Variants in PARD3B observed in about 807,000 individuals in gnomAD.
PARD3B encodes the protein partitioning defective 3 homolog B.
Under a neutral mutation model 130.2 loss-of-function variants are expected in PARD3B, and 103 were observed. The ratio of observed to expected loss-of-function variants is 0.79; its 90% CI spans 0.67 to 0.93. The LOEUF is 0.93. Ranked by LOEUF, PARD3B falls within the 40% of genes least tolerant of loss-of-function variation. The probability of loss-of-function intolerance (pLI) is 0.00; values close to 1 mark genes in which losing one functional copy is unlikely to be tolerated. For missense variants in PARD3B, 1,609 were observed against 1,499.2 expected, an observed-to-expected ratio of 1.07 and a Z score of -1.21; for synonymous variants, 583 against 553.2, an observed-to-expected ratio of 1.05 and a Z score of -0.76.
chr2:204,851,074 G>A (rs966566282), intron 2 of PARD3B, among the ~76,000 whole-genome samples: 4 of 152,142 alleles, frequency 2.6e-5, no homozygotes, highest in Non-Finnish European at 4.4e-5. Flanking sequence ...CTTGAATAAT[G>A]TAAGTATTCC....
intron 21 of PARD3B, among the ~76,000 whole-genome samples, chr2:205,548,575 A>G (rs1406906358): frequency 3.3e-5 from 5 of 151,930 alleles, no homozygotes; most frequent in Admixed American, 3.3e-4. Context: ...TCCTTTGAAA[A>G]ACCCTCAGGT....
intron 2 of PARD3B, among the ~76,000 whole-genome samples, chr2:204,687,044 C>T (rs1487372462): frequency 6.6e-6 from 1 of 152,064 alleles, no homozygotes; most frequent in Admixed American, 6.6e-5. Context: ...TATTATACAT[C>T]TTTAGTGCTG....
chr2:205,330,340 C>T (rs1050757375), intron 18 of PARD3B, among the ~76,000 whole-genome samples: 1 of 149,498 alleles, frequency 6.7e-6, no homozygotes, highest in East Asian at 2.0e-4. Context: ...GACTCCACCC[C>T]AAAAAAAAAA....
chr2:204,636,457 T>C (rs1426435183), intron 1 of PARD3B, among the ~76,000 whole-genome samples: 3 of 140,302 alleles, frequency 2.1e-5, no homozygotes, highest in Non-Finnish European at 4.7e-5. Context: ...CAGGTGAGTG[T>C]GTGTGTGTGT....
At chr2:205,509,751 G>T (rs73985037) in intron 21 of PARD3B, among the ~76,000 whole-genome samples, 1 of 152,212 alleles carries the variant, frequency 6.6e-6, no homozygotes, top group Non-Finnish European at 1.5e-5. Context: ...CACGTATGGA[G>T]CCCAAGCTTA....
At chr2:205,549,833 C>T (rs2052539268) in intron 21 of PARD3B, among the ~76,000 whole-genome samples, 1 of 152,126 alleles carries the variant, frequency 6.6e-6, no homozygotes, top group Non-Finnish European at 1.5e-5. Context: ...ACAGTTGTAG[C>T]ACACTGGTGG....
intron 1 of PARD3B, among the ~76,000 whole-genome samples, chr2:204,648,216 T>A (rs1391285628): frequency 6.6e-6 from 1 of 151,624 alleles, no homozygotes; most frequent in African/African-American, 2.4e-5. Flanking sequence ...CATGAGAATT[T>A]AATCTCATTT....
intron 1 of PARD3B, among the ~76,000 whole-genome samples, chr2:204,680,657 C>A (rs956103396): frequency 6.6e-6 from 1 of 151,892 alleles, no homozygotes; most frequent in Non-Finnish European, 1.5e-5. Flanking sequence ...CCATAACTGA[C>A]ACATTTGGCA....
At chr2:204,586,072 G>C (rs1268462241) in intron 1 of PARD3B, among the ~76,000 whole-genome samples, 1 of 152,232 alleles carries the variant, frequency 6.6e-6, no homozygotes, top group African/African-American at 2.4e-5. Flanking sequence ...TTGCCAGCCT[G>C]CTGTTATAAC....
intron 2 of PARD3B, 93 bp from the exon 3 acceptor site, chr2:204,965,059 T>C (rs1454254467): frequency 3.1e-6 from 4 of 1,282,304 alleles, no homozygotes; most frequent in Non-Finnish European, 4.2e-6. Context: ...GGCGATTTTC[T>C]TTGCAACCAA....
At chr2:204,681,570 A>C (rs905156647) in intron 1 of PARD3B, among the ~76,000 whole-genome samples, 6 of 152,192 alleles carry the variant, frequency 3.9e-5, no homozygotes, top group Non-Finnish European at 7.3e-5. Flanking sequence ...CTGTATATTC[A>C]TCACTGCCTT....
At chr2:204,714,845 T>A (rs1408031448) in intron 2 of PARD3B, among the ~76,000 whole-genome samples, 1 of 152,208 alleles carries the variant, frequency 6.6e-6, no homozygotes, top group Non-Finnish European at 1.5e-5. Context: ...CTATTCACTT[T>A]CCAATTTGAC....
chr2:205,205,885 A>G (rs2037265521), intron 15 of PARD3B, among the ~76,000 whole-genome samples: 1 of 152,144 alleles, frequency 6.6e-6, no homozygotes, highest in African/African-American at 2.4e-5. Context: ...GATGTTCTTC[A>G]GGGATATTGG....
intron 1 of PARD3B, among the ~76,000 whole-genome samples, chr2:204,612,843 A>G (rs1366135647): frequency 6.9e-6 from 1 of 143,960 alleles, no homozygotes; most frequent in Non-Finnish European, 1.5e-5. Flanking sequence ...TTGATTTTTA[A>G]TATTAAGACC....
chr2:205,442,029 G>A (rs980259939), intron 20 of PARD3B, among the ~76,000 whole-genome samples: 3 of 152,122 alleles, frequency 2.0e-5, no homozygotes, highest in African/African-American at 7.2e-5. Context: ...AATAACACCA[G>A]GCATGAGTCT....
chr2:205,491,694 C>A (rs535023128), intron 20 of PARD3B, among the ~76,000 whole-genome samples: 4 of 152,216 alleles, frequency 2.6e-5, no homozygotes, highest in African/African-American at 9.6e-5. Flanking sequence ...GACAAGTCTT[C>A]GAGCTATAGG....
intron 19 of PARD3B, among the ~76,000 whole-genome samples, chr2:205,423,123 A>G (rs1345338327): frequency 2.6e-5 from 4 of 152,200 alleles, no homozygotes; most frequent in African/African-American, 9.7e-5. Flanking sequence ...GTCTGACAGA[A>G]TCACCATAGA....
At chr2:204,578,655 C>T (rs1490215349) in intron 1 of PARD3B, among the ~76,000 whole-genome samples, 2 of 152,028 alleles carry the variant, frequency 1.3e-5, no homozygotes, top group African/African-American at 2.4e-5. Flanking sequence ...TCCAATGATG[C>T]AAAACCTTAA....
rs1029891654 is a variant in PARD3B, at chr2:205,591,926, C to G, written c.3261-23530C>G. 6.6e-6 allele frequency among the ~76,000 whole-genome samples: 1 copy of G among 152,154 alleles called. No homozygotes were observed. The highest frequency in any genetic ancestry group is 1.5e-5 in the Non-Finnish European group (1 of 68,024). ...GGCATCAGGATGGTCCAGCAGGGAACGAAGACACCCAGGCATGGACATTAA... is the reference window on the plus strand; with the variant it reads ...GGCATCAGGATGGTCCAGCAGGGAAGGAAGACACCCAGGCATGGACATTAA... On this transcript the variant is annotated intron_variant, in intron 22 of 22. Transcript: ENST00000406610. This position sits in a 1 kb window ranked among gnomAD's most constrained non-coding sequence, Gnocchi z 4.2.
Sources: allele counts gnomAD v4.1 joint callset (sites outside exome capture counted in the v4.1 genomes callset), GRCh38; gene constraint gnomAD v4.1.1; non-coding constraint Gnocchi (gnomAD v3.1); transcripts MANE v1.5; gene names NCBI Gene and HGNC (gene_info 2026-07-23, HGNC 2026-07-21).